Variants in SCFD2 observed in about 807,000 individuals in gnomAD.
The protein encoded by SCFD2 is sec1 family domain containing 2.
In SCFD2, 54 loss-of-function variants were observed where a neutral mutation model predicts 58.9. That is an observed-to-expected ratio of 0.92 (90% CI 0.74 to 1.15). The LOEUF is 1.15. SCFD2 is among the 50% of genes most tolerant of loss of function. SCFD2 has a pLI of 0.00. For synonymous variants in SCFD2, 321 were observed against 335.9 expected (o/e 0.96, Z 0.49); for missense variants, 805 against 836.6 (o/e 0.96, Z 0.47).
chr4:52,956,568 A>C (rs994185193), intron 5 of SCFD2: 24 of 227,688 alleles, frequency 1.1e-4, no homozygotes, highest in Non-Finnish European at 1.9e-4. Flanking sequence ...CCTTCCTTGC[A>C]GTATAAAAAC....
At chr4:53,081,073 C>G (rs1241534676) in intron 5 of SCFD2, among the ~76,000 whole-genome samples, 2 of 152,158 alleles carry the variant, frequency 1.3e-5, no homozygotes, top group African/African-American at 2.4e-5. Context: ...GATCCACCTC[C>G]TAATGCCCTG....
intron 4 of SCFD2, among the ~76,000 whole-genome samples, chr4:53,170,692 GTCT>G (rs765185235): frequency 1.8e-4 from 28 of 152,128 alleles, no homozygotes; most frequent in Admixed American, 7.2e-4. Context: ...ATTTATTTGA[GTCT>G]TCTTCTATTA....
chr4:53,256,633 G>A (rs548098667), intron 4 of SCFD2, among the ~76,000 whole-genome samples: 14 of 152,144 alleles, frequency 9.2e-5, no homozygotes, highest in South Asian at 8.3e-4. Flanking sequence ...CCGGCACCTC[G>A]GGAGGCCGAG....
At chr4:53,287,816 G>T (rs1731716862) in intron 3 of SCFD2, among the ~76,000 whole-genome samples, 1 of 152,086 alleles carries the variant, frequency 6.6e-6, no homozygotes, top group Admixed American at 6.6e-5. Context: ...AGATAAAAGA[G>T]AATATAAATA....
chr4:53,312,464 T>A (rs1732720557), intron 3 of SCFD2, among the ~76,000 whole-genome samples: 1 of 152,158 alleles, frequency 6.6e-6, no homozygotes, highest in African/African-American at 2.4e-5. Flanking sequence ...ACTCTAAGAA[T>A]GAAATAAGAT....
At chr4:53,103,897 T>TAAAA (rs34101811) in intron 5 of SCFD2, among the ~76,000 whole-genome samples, 38 of 74,326 alleles carry the variant, frequency 5.1e-4, no homozygotes, top group African/African-American at 1.8e-3. Flanking sequence ...CAATATGAGC[T>TAAAA]AAAAAAAAAA....
rs1345723676 is a variant in SCFD2, at chr4:52,904,790, C to T, written c.1842+2667G>A. The stretch of plus-strand genomic sequence containing the variant: ...CCAAGAAATGTGGTTAAGAGCTAGG[C>T]TTTGGAATAAGAGTGACCTTGGGAC... On this transcript the variant is annotated intron_variant, in intron 7 of 8. Transcript: ENST00000401642. 2.6e-5 allele frequency among the ~76,000 whole-genome samples: 4 copies of T among 152,212 alleles called. No individual in the cohort carries two copies. In the East Asian group the frequency reaches 7.7e-4, roughly 29 times the overall value.
At chr4:53,057,584 A>G (rs1375733621) in intron 5 of SCFD2, among the ~76,000 whole-genome samples, 3 of 152,058 alleles carry the variant, frequency 2.0e-5, no homozygotes, top group Admixed American at 6.6e-5. Flanking sequence ...AACTTAGAGG[A>G]CGGGTCAATA....
intron 2 of SCFD2, among the ~76,000 whole-genome samples, chr4:53,351,416 A>G (rs1384715823): frequency 1.3e-5 from 2 of 152,258 alleles, no homozygotes; most frequent in African/African-American, 4.8e-5. Flanking sequence ...ATTATACTCC[A>G]TAGCAGATAC....
At chr4:53,363,684 G>C (rs1275989082) in intron 1 of SCFD2, among the ~76,000 whole-genome samples, 2 of 151,744 alleles carry the variant, frequency 1.3e-5, no homozygotes, top group Non-Finnish European at 3.0e-5. Context: ...TTAGCCCGGC[G>C]TAGTGGCGGG....
intron 5 of SCFD2, among the ~76,000 whole-genome samples, chr4:52,993,666 T>C (rs1577646640): frequency 6.6e-6 from 1 of 152,208 alleles, no homozygotes; most frequent in East Asian, 1.9e-4. Flanking sequence ...AAAATGCCAC[T>C]CCACTCATAC....
chr4:53,183,135 A>G (rs1268984251), intron 4 of SCFD2, among the ~76,000 whole-genome samples: 1 of 152,238 alleles, frequency 6.6e-6, no homozygotes, highest in Non-Finnish European at 1.5e-5. Flanking sequence ...CATTTGACCC[A>G]GCCATCCCAT....
chr4:53,343,592 C>A (rs1201208881), intron 2 of SCFD2, among the ~76,000 whole-genome samples: 2 of 152,140 alleles, frequency 1.3e-5, no homozygotes, highest in South Asian at 4.1e-4. Context: ...AATCCTCCCT[C>A]ACTCATTTTA....
intron 4 of SCFD2, among the ~76,000 whole-genome samples, chr4:53,172,645 A>G (rs1293488320): frequency 6.6e-6 from 1 of 152,022 alleles, no homozygotes; most frequent in Non-Finnish European, 1.5e-5. Context: ...ATATTTGTAA[A>G]TTTCCCAAGA....
intron 5 of SCFD2, among the ~76,000 whole-genome samples, chr4:53,138,809 C>G (rs983557554): frequency 7.2e-5 from 11 of 152,278 alleles, no homozygotes; most frequent in African/African-American, 2.6e-4. Context: ...ATTAAAGAAA[C>G]TGTCAAAAGT....
At chr4:53,326,203 C>T (rs1415698673) in intron 2 of SCFD2, among the ~76,000 whole-genome samples, 2 of 152,028 alleles carry the variant, frequency 1.3e-5, no homozygotes, top group African/African-American at 4.8e-5. Flanking sequence ...AGTGCAGTGG[C>T]GTGATCACAA....
intron 4 of SCFD2, among the ~76,000 whole-genome samples, chr4:53,248,136 C>T (rs1008575068): frequency 6.6e-6 from 1 of 152,198 alleles, no homozygotes; most frequent in Non-Finnish European, 1.5e-5. Context: ...AGGGAGTTCC[C>T]TTTCTTGGTC....
At chr4:53,185,703 T>C (rs903406317) in intron 4 of SCFD2, among the ~76,000 whole-genome samples, 6 of 152,170 alleles carry the variant, frequency 3.9e-5, no homozygotes, top group African/African-American at 9.6e-5. Flanking sequence ...TGTTTGAAGA[T>C]ATTTAAATTT....
intron 5 of SCFD2, among the ~76,000 whole-genome samples, chr4:52,990,071 G>A (rs1721584535): frequency 6.6e-6 from 1 of 152,148 alleles, no homozygotes; most frequent in Admixed American, 6.5e-5. Flanking sequence ...GCATCTCACA[G>A]ACAGTAGTTA....
Sources: allele counts gnomAD v4.1 joint callset (sites outside exome capture counted in the v4.1 genomes callset), GRCh38; gene constraint gnomAD v4.1.1; transcripts MANE v1.5; gene names NCBI Gene and HGNC (gene_info 2026-07-23, HGNC 2026-07-21).